The following SLC28A3 variants were observed in gnomAD, a reference collection of about 807,000 sequenced individuals.
SLC28A3 encodes the protein concentrative Na(+)-nucleoside cotransporter 3.
A neutral mutation model predicts 84.2 loss-of-function variants in SLC28A3; 68 were observed. That is an observed-to-expected ratio of 0.81 (90% CI 0.66 to 0.99). The LOEUF is 0.99. Among genes scored for constraint, SLC28A3 ranks in the 50% least tolerant of loss-of-function variants. The pLI is 0.00. For missense variants in SLC28A3, 712 were observed against 841.5 expected, an observed-to-expected ratio of 0.85 and a Z score of 1.90; for synonymous variants, 267 against 303.6, an observed-to-expected ratio of 0.88 and a Z score of 1.25.
intron 5 of SLC28A3, among the ~76,000 whole-genome samples, chr9:84,301,218 C>T (rs541245927): frequency 4.8e-4 from 72 of 151,350 alleles, no homozygotes; most frequent in African/African-American, 1.6e-3. Context: ...CTGGGTATGG[C>T]GGTACATGGG....
In SLC28A3 at chr9:84,336,675, C is replaced by CA. The variant is rs112154531; in HGVS notation, c.60+3898dup. Among the ~76,000 whole-genome samples the CA allele has an allele frequency of 6.1e-3, 913 of 149,940 alleles. 4 individuals carry two copies. Among genetic ancestry groups the CA allele is most frequent in the African/African-American group, 0.014 (567 of 40,888 alleles). On this transcript the variant is annotated intron_variant, in intron 1 of 17. Transcript: ENST00000376238. ...TGGGTGACAGAGTGAGACCCTGTCT[C>CA]AAAAAAAAAATCACAATTTGACTGC...
chr9:84,283,416 G>T (rs993136990), intron 14 of SLC28A3, among the ~76,000 whole-genome samples: 1 of 152,192 alleles, frequency 6.6e-6, no homozygotes, highest in Non-Finnish European at 1.5e-5. Flanking sequence ...GATGAATTAC[G>T]GTGTGCTATA....
At position 84,340,678 on chromosome 9, in the gene SLC28A3, C is replaced by T. The variant is rs777522836; in HGVS notation, c.-45G>A. ...GGCTCTGGTCTGGAGGTCCTTTGTA[C>T]CTGGGAAAAAGCACCAGTCTCTGCT... On this transcript the variant is annotated 5_prime_UTR_variant, in exon 1 of 18. Transcript: ENST00000376238. The T allele has an allele frequency of 6.0e-5, 97 of 1,611,612 alleles. 4 individuals carry two copies. In the South Asian group the frequency reaches 1.0e-3, roughly 17 times the overall value.
the SLC28A3 span, among the ~76,000 whole-genome samples, chr9:84,348,271 T>C: frequency 6.6e-6 from 1 of 150,956 alleles, no homozygotes; most frequent in African/African-American, 2.4e-5. Flanking sequence ...GGAAAATCAC[T>C]TGAACCTGGG....
chr9:84,283,377 T>C (rs12336629), intron 14 of SLC28A3, among the ~76,000 whole-genome samples: 19,393 of 152,274 alleles, frequency 0.13, 1,683 homozygotes, highest in East Asian at 0.36. Context: ...AAAAAACAGA[T>C]AACTGCTTAT....
chr9:84,294,375 A>G (rs1055384487), intron 8 of SLC28A3, 100 bp from the exon 9 acceptor site: 1 of 1,088,730 alleles, frequency 9.2e-7, no homozygotes. Flanking sequence ...CCTCTGAAAC[A>G]TCATAAAAAT....
chr9:84,362,160 T>A, the SLC28A3 span, among the ~76,000 whole-genome samples: 1 of 152,106 alleles, frequency 6.6e-6, no homozygotes, highest in Non-Finnish European at 1.5e-5. Flanking sequence ...TGCAGTAACT[T>A]GGATCTAGAG....
At chr9:84,296,509 A>G (rs932549312) in intron 8 of SLC28A3, among the ~76,000 whole-genome samples, 1 of 152,254 alleles carries the variant, frequency 6.6e-6, no homozygotes, top group African/African-American at 2.4e-5. Flanking sequence ...AGCTGAAGGA[A>G]AACCCGAATG....
At chr9:84,346,679 T>C in the SLC28A3 span, among the ~76,000 whole-genome samples, 1 of 152,222 alleles carries the variant, frequency 6.6e-6, no homozygotes, top group Non-Finnish European at 1.5e-5. Flanking sequence ...AAATGTGTAT[T>C]TGACATAGGA....
intron 1 of SLC28A3, among the ~76,000 whole-genome samples, chr9:84,339,588 T>C (rs1030080456): frequency 1.1e-4 from 16 of 152,190 alleles, no homozygotes; most frequent in African/African-American, 3.4e-4. Context: ...TTTGCGTGCC[T>C]TTTCTCCTGC....
At chr9:84,307,942 A>G (rs1225175615) in intron 3 of SLC28A3, among the ~76,000 whole-genome samples, 1 of 152,212 alleles carries the variant, frequency 6.6e-6, no homozygotes, top group Admixed American at 6.5e-5. Flanking sequence ...TGACCACCCA[A>G]GAGAATTTCT....
At chr9:84,292,390 C>T (rs1825258737) in intron 10 of SLC28A3, among the ~76,000 whole-genome samples, 1 of 152,144 alleles carries the variant, frequency 6.6e-6, no homozygotes, top group African/African-American at 2.4e-5. Context: ...CATAAACATT[C>T]TCAAGAACCC....
upstream of SLC28A3, among the ~76,000 whole-genome samples, chr9:84,343,359 C>T (rs140003589): frequency 2.2e-3 from 329 of 152,268 alleles, no homozygotes; most frequent in Admixed American, 7.0e-3. Flanking sequence ...GACTGAGGCC[C>T]AGTCTCTCTG....
At position 84,296,866 on chromosome 9, in the gene SLC28A3, C is replaced by A. The variant is rs564376944; in HGVS notation, c.861+355G>T. On this transcript the variant is annotated intron_variant, in intron 8 of 17. Transcript: ENST00000376238. Reference sequence around the variant, plus strand: ...CCCATCAGCCATTCACTGCCACATGCCTACTTGTTGCTGGGAACATAATAT... The same window carrying A: ...CCCATCAGCCATTCACTGCCACATGACTACTTGTTGCTGGGAACATAATAT... 2.6e-5 allele frequency among the ~76,000 whole-genome samples: 4 copies of A among 152,352 alleles called. No homozygotes were observed. In the East Asian group the frequency reaches 7.7e-4, roughly 29 times the overall value.
At chr9:84,340,465 C>A in intron 1 of SLC28A3, 109 bp downstream of exon 1, 1 of 1,172,628 alleles carries the variant, frequency 8.5e-7, no homozygotes, top group Non-Finnish European at 1.3e-6. Context: ...CGTTAAAAAT[C>A]GTATTGTCCT....
chr9:84,341,300 G>A (rs11140530), upstream of SLC28A3, among the ~76,000 whole-genome samples: 1 of 152,084 alleles, frequency 6.6e-6, no homozygotes, highest in African/African-American at 2.4e-5. Context: ...ATAGTGCTTA[G>A]TGAAATCCTC....
chr9:84,289,241 T>G (rs192706696), intron 11 of SLC28A3, among the ~76,000 whole-genome samples: 142 of 152,320 alleles, frequency 9.3e-4, no homozygotes, highest in African/African-American at 3.3e-3. Flanking sequence ...GCTCCTTTCT[T>G]CTTGCCTCTT....
chr9:84,342,986 AC>A (rs958750023), upstream of SLC28A3, among the ~76,000 whole-genome samples: 23 of 152,148 alleles, frequency 1.5e-4, no homozygotes, highest in African/African-American at 5.5e-4. Context: ...ACATGGTGAA[AC>A]CCTGTCTCTT....
At chr9:84,307,631 A>G (rs999292414) in intron 3 of SLC28A3, among the ~76,000 whole-genome samples, 1 of 152,148 alleles carries the variant, frequency 6.6e-6, no homozygotes, top group Non-Finnish European at 1.5e-5. Flanking sequence ...TAGTGAAGAC[A>G]TTTTTTCACG....
Sources: allele counts gnomAD v4.1 joint callset (sites outside exome capture counted in the v4.1 genomes callset), GRCh38; gene constraint gnomAD v4.1.1; transcripts MANE v1.5; gene names NCBI Gene and HGNC (gene_info 2026-07-23, HGNC 2026-07-21).